PAAF1: variants seen among roughly 807,000 people sequenced by gnomAD.
PAAF1 encodes the protein proteasomal ATPase-associated factor 1.
A neutral mutation model predicts 52.8 loss-of-function variants in PAAF1; 46 were observed. That is an observed-to-expected ratio of 0.87 (90% CI 0.69 to 1.11). The LOEUF (loss-of-function observed/expected upper bound fraction) is 1.11, where lower values mean the gene tolerates loss of function less well. Ranked by LOEUF, PAAF1 falls within the 50% of genes most tolerant of loss-of-function variation. The pLI, the probability that PAAF1 is intolerant of heterozygous loss-of-function variation, is 0.00. For missense variants in PAAF1, 424 were observed against 477.4 expected (o/e 0.89, Z 1.04); for synonymous variants, 178 against 172.8 (o/e 1.03, Z -0.24).
At position 73,929,556 on chromosome 11, in the gene PAAF1, C is replaced by T. The variant is rs745305788; in HGVS notation, c.*2194C>T. ...AAACTGAGACTCAATACATTAAATA[C>T]CAGAGGCTTCATTTGGACCTTGGAC... On this transcript the variant is annotated 3_prime_UTR_variant, in exon 12 of 12. Coordinates refer to ENST00000310571, the MANE Select transcript of PAAF1 (RefSeq NM_025155.3). 1.3e-5 allele frequency: 2 copies of T among 152,198 alleles called. No homozygotes were observed. The highest frequency in any genetic ancestry group is 2.9e-5 in the Non-Finnish European group (2 of 68,042). 9.4% of individuals were successfully genotyped at this position (152,198 alleles called of 1,614,324 possible).
intron 4 of PAAF1, among the ~76,000 whole-genome samples, chr11:73,894,583 T>A (rs1391853077): frequency 6.6e-6 from 1 of 152,180 alleles, no homozygotes; most frequent in Non-Finnish European, 1.5e-5. Context: ...TATACATATG[T>A]AACTAACCTG....
Position 73,928,517 on chromosome 11 carries a change from A to AT in PAAF1, c.*1159dup, listed in dbSNP as rs1950412074. 1 of 150,650 alleles carries AT rather than the reference A, an allele frequency of 6.6e-6. No homozygotes were observed. Among genetic ancestry groups the AT allele is most frequent in the Non-Finnish European group, 1.5e-5 (1 of 67,868 alleles). The allele number at this position is 150,650 out of a possible 1,614,324, so 9.3% of individuals were successfully genotyped here. On this transcript the variant is annotated 3_prime_UTR_variant, in exon 12 of 12. Coordinates refer to ENST00000310571, the MANE Select transcript of PAAF1 (RefSeq NM_025155.3). ...CTTATTTTCACTTAATGTCTCTGAG[A>AT]TTTTCCATCTCAGTACATGTAGACG... is the stretch of plus-strand genomic sequence containing the variant.
rs1394417875 is a variant in PAAF1, at chr11:73,885,000, C to T, written c.89-2354C>T. Among the ~76,000 whole-genome samples the T allele has an allele frequency of 2.6e-3, 392 of 150,448 alleles. 5 individuals carry two copies. The highest frequency in any genetic ancestry group is 9.1e-3 in the African/African-American group (372 of 41,104). On this transcript the variant is annotated intron_variant, in intron 2 of 11. Transcript: ENST00000310571. ...TCAGCCTCCCAAGTAGCTGGGACTACAGGCGCCCGCCACTACGCCCGGCTA... is the reference window on the plus strand; with the variant it reads ...TCAGCCTCCCAAGTAGCTGGGACTATAGGCGCCCGCCACTACGCCCGGCTA...
At position 73,917,598 on chromosome 11, in the gene PAAF1, G is replaced by A. The variant is rs552480490; in HGVS notation, c.935+938G>A. On this transcript the variant is annotated intron_variant, in intron 9 of 11. Coordinates refer to ENST00000310571, the MANE Select transcript of PAAF1 (RefSeq NM_025155.3). Reference sequence around the variant, plus strand: ...AAAAGGTACAGGCTCTGGGCTGGGCGTGGTGGCTCACGCCTGTAACCCCAG... The same window carrying A: ...AAAAGGTACAGGCTCTGGGCTGGGCATGGTGGCTCACGCCTGTAACCCCAG... Among the ~76,000 whole-genome samples the A allele has an allele frequency of 1.5e-4, 23 of 152,296 alleles. No homozygotes were observed. The East Asian group carries it at 1.5e-3, about 10-fold the overall frequency.
chr11:73,892,481 T>C (rs953170292), intron 4 of PAAF1, among the ~76,000 whole-genome samples: 10 of 152,172 alleles, frequency 6.6e-5, no homozygotes, highest in Non-Finnish European at 1.3e-4. Flanking sequence ...ACTTTTGTTG[T>C]ATATCCCTTT....
chr11:73,893,296 T>C (rs1949247290), intron 4 of PAAF1, among the ~76,000 whole-genome samples: 1 of 152,238 alleles, frequency 6.6e-6, no homozygotes. Flanking sequence ...TTGCTCTTCA[T>C]TTCCTCTGTA....
chr11:73,898,600 T>C (rs931341777), intron 4 of PAAF1, among the ~76,000 whole-genome samples: 3 of 152,134 alleles, frequency 2.0e-5, no homozygotes, highest in Admixed American at 6.6e-5. Flanking sequence ...GAGAATCACT[T>C]GAGCTCAGGA....
intron 4 of PAAF1, among the ~76,000 whole-genome samples, chr11:73,898,797 G>T (rs940094951): frequency 1.1e-4 from 16 of 152,038 alleles, no homozygotes; most frequent in African/African-American, 3.6e-4. Flanking sequence ...CTGGGTGATG[G>T]GAGTGAAACT....
intron 1 of PAAF1, among the ~76,000 whole-genome samples, chr11:73,878,230 C>T (rs1948799195): frequency 6.6e-6 from 1 of 152,172 alleles, no homozygotes; most frequent in Admixed American, 6.5e-5. Flanking sequence ...TGAGAAAATA[C>T]AGCACCAGAA....
intron 7 of PAAF1, among the ~76,000 whole-genome samples, chr11:73,910,059 AT>A (rs796143029): frequency 5.5e-4 from 84 of 152,322 alleles, no homozygotes; most frequent in African/African-American, 2.0e-3. Context: ...GAACAGTAAC[AT>A]TTGGCTGAAA....
intron 6 of PAAF1, among the ~76,000 whole-genome samples, chr11:73,908,389 A>ATATATATATG (rs201507993): frequency 6.2e-4 from 60 of 96,626 alleles, no homozygotes; most frequent in African/African-American, 2.4e-3. Flanking sequence ...ATATGTGTGT[A>ATATATATATG]TATATATATG....
chr11:73,877,087 C>G lies in PAAF1; in HGVS notation c.47+19C>G. ...CCCTCAGGTGAATCCAGGCCCAGAACAGAGTCAGAGGAGGCGGGTAGTGGA... is the reference window on the plus strand; with the variant it reads ...CCCTCAGGTGAATCCAGGCCCAGAAGAGAGTCAGAGGAGGCGGGTAGTGGA... On this transcript the variant is annotated intron_variant, in intron 1 of 11. Coordinates refer to ENST00000310571, the MANE Select transcript of PAAF1 (RefSeq NM_025155.3). 3 of 1,520,594 alleles carry G rather than the reference C, an allele frequency of 2.0e-6. No individual in the cohort carries two copies. The highest frequency in any genetic ancestry group is 2.7e-6 in the Non-Finnish European group (3 of 1,130,364). 94.2% of individuals were successfully genotyped at this position (1,520,594 alleles called of 1,614,324 possible). A position where few individuals can be genotyped will look rare whatever the true frequency, so the allele number is the denominator to read the frequency against.
At chr11:73,892,507 G>A (rs2135149653) in intron 4 of PAAF1, among the ~76,000 whole-genome samples, 2 of 152,116 alleles carry the variant, frequency 1.3e-5, no homozygotes, top group South Asian at 4.1e-4. Flanking sequence ...AATAATCATA[G>A]TAGTAAAGCT....
chr11:73,883,953 A>G (rs77291934), intron 2 of PAAF1, among the ~76,000 whole-genome samples: 14 of 152,310 alleles, frequency 9.2e-5, no homozygotes, highest in Non-Finnish European at 1.9e-4. Context: ...TTATGAAGGA[A>G]GGAGATTTTG....
rs576041419 is a variant in PAAF1, at chr11:73,884,707, C to T, written c.89-2647C>T. Among the ~76,000 whole-genome samples, 4 of 152,230 alleles carry T rather than the reference C, an allele frequency of 2.6e-5. 1 individual carries two copies. In the South Asian group the frequency reaches 6.2e-4, roughly 24 times the overall value. On this transcript the variant is annotated intron_variant, in intron 2 of 11. Coordinates refer to ENST00000310571, the MANE Select transcript of PAAF1 (RefSeq NM_025155.3). ...CTTCATGATACTTCCCTGTGAAAAG[C>T]GTCTTTACTAGGTCTTCTCTAGGCC...
intron 3 of PAAF1, among the ~76,000 whole-genome samples, chr11:73,889,994 T>G (rs1258413408): frequency 6.6e-6 from 1 of 152,238 alleles, no homozygotes; most frequent in Non-Finnish European, 1.5e-5. Flanking sequence ...AACCATTCTT[T>G]CTAATGAACT....
rs528124067 is a variant in PAAF1 at position 73,930,495 on chromosome 11, C to T, written c.*3133C>T. On this transcript the variant is annotated 3_prime_UTR_variant, in exon 12 of 12. Transcript: ENST00000310571. Reference sequence around the variant, plus strand: ...AGCGTGGTGGCTCACGCCTGTAATCCCAGCACTTTGGGAGGCTGGGGTGGG... The same window carrying T: ...AGCGTGGTGGCTCACGCCTGTAATCTCAGCACTTTGGGAGGCTGGGGTGGG... 6.6e-6 allele frequency: 1 copy of T among 152,236 alleles called. No homozygotes were observed. Among genetic ancestry groups the T allele is most frequent in the South Asian group, 2.1e-4 (1 of 4,812 alleles). 9.4% of individuals were successfully genotyped at this position (152,236 alleles called of 1,614,324 possible).
At chr11:73,920,923 T>G (rs142765476) in intron 10 of PAAF1, among the ~76,000 whole-genome samples, 42 of 152,088 alleles carry the variant, frequency 2.8e-4, no homozygotes, top group African/African-American at 9.9e-4. Context: ...TCCCAGCACT[T>G]TGGGAGGCCA....
intron 7 of PAAF1, among the ~76,000 whole-genome samples, chr11:73,912,913 C>T (rs1949970341): frequency 6.6e-6 from 1 of 152,146 alleles, no homozygotes; most frequent in Non-Finnish European, 1.5e-5. Flanking sequence ...GAGTTTCCCT[C>T]TTTTGCCAGG....
Sources: allele counts gnomAD v4.1 joint callset (sites outside exome capture counted in the v4.1 genomes callset), GRCh38; gene constraint gnomAD v4.1.1; transcripts MANE v1.5; gene names NCBI Gene and HGNC (gene_info 2026-07-23, HGNC 2026-07-21).